The following GRIK5 variants were observed in gnomAD, a reference collection of about 807,000 sequenced individuals.
The protein encoded by GRIK5 is glutamate ionotropic receptor kainate type subunit 5.
GRIK5 carries 43 observed loss-of-function variants against 97.4 expected under a neutral mutation model. The ratio of observed to expected loss-of-function variants is 0.44; its 90% CI spans 0.35 to 0.57. GRIK5 has a LOEUF of 0.57. Among genes scored for constraint, GRIK5 ranks in the 20% least tolerant of loss-of-function variants. GRIK5 has a pLI of 0.01. For synonymous variants in GRIK5, 580 were observed against 583.5 expected (o/e 0.99, Z 0.09); for missense variants, 1,015 against 1,382.0 (o/e 0.73, Z 4.21).
rs2075455967 is a variant in GRIK5, at chr19:42,003,932, C to T, written c.2264-249G>A. ...TCTCCATGGCTTCCTGTTGCAAGCT[C>T]CTCCCCTCGGCCACTCTCAGACACC... On this transcript the variant is annotated intron_variant, in intron 17 of 19. Transcript: ENST00000593562. The surrounding 1 kb of genome is among the most constrained non-coding windows in gnomAD (Gnocchi z 4.2). 1.3e-5 allele frequency among the ~76,000 whole-genome samples: 2 copies of T among 152,178 alleles called. No homozygotes were observed. The highest frequency in any genetic ancestry group is 4.1e-4 in the South Asian group (2 of 4,828).
Position 42,062,518 on chromosome 19 carries a change from A to G in GRIK5, c.478T>C (p.Ser160Pro). Reference protein sequence around the residue: ...SRILKSFNYPSASLICAKAEC... With the variant: ...SRILKSFNYPPASLICAKAEC... ...GCCTTGGCGCAGATGAGGCTGGCCG[A>G]GGGGTAGTTGAAGGACTTGAGGATT... is the stretch of plus-strand genomic sequence containing the variant. The change falls in exon 5 of 20, where the codon TCG becomes CCG. Residue 160 changes from serine to proline, a missense_variant. Coordinates refer to ENST00000593562, the MANE Select transcript of GRIK5 (RefSeq NM_002088.5). The surrounding 1 kb of genome is among the most constrained non-coding windows in gnomAD (Gnocchi z 5.3). 1 of 1,614,082 alleles carries G rather than the reference A, an allele frequency of 6.2e-7. No individual in the cohort carries two copies. Among genetic ancestry groups the G allele is most frequent in the Non-Finnish European group, 8.5e-7 (1 of 1,179,998 alleles).
At chr19:42,058,544 T>C (rs1052090129) in intron 6 of GRIK5, among the ~76,000 whole-genome samples, 1 of 150,286 alleles carries the variant, frequency 6.7e-6, no homozygotes, top group African/African-American at 2.4e-5. Flanking sequence ...AATTTGGTTA[T>C]TGGCCGGGTG....
chr19:42,006,347 TTCTC>T lies in GRIK5; in HGVS notation c.2037+294_2037+297del, dbSNP rs1284110527. 6.6e-6 allele frequency among the ~76,000 whole-genome samples: 1 copy of T among 152,186 alleles called. No individual in the cohort carries two copies. Among genetic ancestry groups the T allele is most frequent in the Non-Finnish European group, 1.5e-5 (1 of 68,032 alleles). On this transcript the variant is annotated intron_variant, in intron 16 of 19. Transcript: ENST00000593562. The surrounding 1 kb of genome is among the most constrained non-coding windows in gnomAD (Gnocchi z 5.3). The stretch of plus-strand genomic sequence containing the variant: ...ACTTTTCACCTTGAAGGGCCTTCCC[TTCTC>T]TCTGTCAGCCCATATTCCTGGTCCC...
chr19:42,005,840 G>A lies in GRIK5; in HGVS notation c.2146C>T (p.Arg716Cys), dbSNP rs782501816. The A allele has an allele frequency of 2.0e-5, 32 of 1,612,764 alleles. No homozygotes were observed. The highest frequency in any genetic ancestry group is 2.6e-5 in the Non-Finnish European group (31 of 1,178,912). ...GTGGACTCGAGCAGGAAGGCGTAGCGGGAGTTGAGGACGCGGGCAATGCCC... is the reference window on the plus strand; with the variant it reads ...GTGGACTCGAGCAGGAAGGCGTAGCAGGAGTTGAGGACGCGGGCAATGCCC... Reference protein sequence around the residue: ...EEGIARVLNSRYAFLLESTMN... With the variant: ...EEGIARVLNSCYAFLLESTMN... The change falls in exon 17 of 20, where the codon CGC (arginine) becomes TGC (cysteine). Residue 716 changes from arginine (R) to cysteine (C), a missense_variant. Coordinates refer to ENST00000593562, the MANE Select transcript of GRIK5 (RefSeq NM_002088.5).
chr19:42,053,789 C>A, intron 10 of GRIK5, 36 bp downstream of exon 10: 1 of 1,569,352 alleles, frequency 6.4e-7, no homozygotes, highest in Non-Finnish European at 8.8e-7. Context: ...CACCCTCACC[C>A]CAGCAGGGCT....
intron 12 of GRIK5, among the ~76,000 whole-genome samples, chr19:42,040,530 T>C (rs1185872228): frequency 6.6e-6 from 1 of 152,166 alleles, no homozygotes; most frequent in Non-Finnish European, 1.5e-5. Flanking sequence ...TCATCTCCTG[T>C]CTCACCCGGG....
Position 42,021,835 on chromosome 19 carries a change from G to A in GRIK5, c.1697+112C>T. 3.0e-6 allele frequency: 2 copies of A among 667,052 alleles called. No individual in the cohort carries two copies. The highest frequency in any genetic ancestry group is 5.3e-6 in the Non-Finnish European group (2 of 377,668). The allele number at this position is 667,052 out of a possible 1,614,324, so 41.3% of individuals were successfully genotyped here. A position where few individuals can be genotyped will look rare whatever the true frequency, so the allele number is the denominator to read the frequency against. The stretch of plus-strand genomic sequence containing the variant: ...GAAAGGAGGGCACAGGGAATCCGAG[G>A]CCCCAAAGGGGAGGCCAAGGACAGT... On this transcript the variant is annotated intron_variant, in intron 14 of 19. Coordinates refer to ENST00000593562, the MANE Select transcript of GRIK5 (RefSeq NM_002088.5). This position sits in a 1 kb window ranked among gnomAD's most constrained non-coding sequence, Gnocchi z 4.2.
In GRIK5 at chr19:41,999,194, G is replaced by C. The variant is rs532681250; in HGVS notation, c.2620C>G (p.Leu874Val). Residue 874 changes from leucine to valine, a missense_variant, in exon 20 of 20, where the codon CTG becomes GTG. By Grantham distance (32) the Leu-to-Val change is conservative. Transcript: ENST00000593562. This position sits in a 1 kb window ranked among gnomAD's most constrained non-coding sequence, Gnocchi z 5.0. ...RRRPGGPSRALLSLRAVREMR... is the reference protein window; with the variant it reads ...RRRPGGPSRAVLSLRAVREMR... ...TCGCGGACCGCGCGCAGTGACAGCA[G>C]GGCCCGGCTCGGGCCGCCCGGGCGT... 3 of 1,516,494 alleles carry C rather than the reference G, an allele frequency of 2.0e-6. No individual in the cohort carries two copies. The highest frequency in any genetic ancestry group is 2.6e-6 in the Non-Finnish European group (3 of 1,139,552). 93.9% of individuals were successfully genotyped at this position (1,516,494 alleles called of 1,614,324 possible). A position where few individuals can be genotyped will look rare whatever the true frequency, so the allele number is the denominator to read the frequency against.
intron 11 of GRIK5, among the ~76,000 whole-genome samples, chr19:42,043,296 C>A (rs2146109970): frequency 6.6e-6 from 1 of 152,162 alleles, no homozygotes; most frequent in Admixed American, 6.5e-5. Flanking sequence ...ACCAAACCAA[C>A]TTCATGAGCC....
chr19:42,058,397 G>A (rs2076214927), intron 6 of GRIK5, among the ~76,000 whole-genome samples: 1 of 150,290 alleles, frequency 6.7e-6, no homozygotes, highest in Non-Finnish European at 1.5e-5. Flanking sequence ...TACCCAGGAT[G>A]GTCTCAATCT....
Position 42,002,237 on chromosome 19 carries a change from C to T in GRIK5, c.2514+1095G>A. On this transcript the variant is annotated intron_variant, in intron 19 of 19. Transcript: ENST00000593562. The surrounding 1 kb of genome is among the most constrained non-coding windows in gnomAD (Gnocchi z 5.2). ...AAGAAACTGGAAGCATCAGGGAGACCCCCCACTGCTGCCAAGGCTGTAAAG... is the reference window on the plus strand; with the variant it reads ...AAGAAACTGGAAGCATCAGGGAGACTCCCCACTGCTGCCAAGGCTGTAAAG... 1.4e-6 allele frequency: 1 copy of T among 717,464 alleles called. No homozygotes were observed. The allele number at this position is 717,464 out of a possible 1,614,324, so 44.4% of individuals were successfully genotyped here.
At chr19:42,044,862 C>T (rs2076023570) in intron 11 of GRIK5, among the ~76,000 whole-genome samples, 1 of 152,170 alleles carries the variant, frequency 6.6e-6, no homozygotes, top group South Asian at 2.1e-4. Context: ...AGGTAGAGTC[C>T]CAGAGGCTCA....
chr19:42,018,969 G>A (rs778874604), intron 15 of GRIK5, among the ~76,000 whole-genome samples: 2 of 152,236 alleles, frequency 1.3e-5, no homozygotes, highest in Non-Finnish European at 2.9e-5. Flanking sequence ...TCTGCTGAAT[G>A]AGTGAATGTG....
At chr19:42,030,568 C>A (rs1599786211) in intron 12 of GRIK5, among the ~76,000 whole-genome samples, 1 of 152,112 alleles carries the variant, frequency 6.6e-6, no homozygotes, top group East Asian at 1.9e-4. Flanking sequence ...AAGTGATCCT[C>A]CCACCTCAGC....
At chr19:42,016,846 A>T (rs1206056838) in intron 15 of GRIK5, among the ~76,000 whole-genome samples, 1 of 152,158 alleles carries the variant, frequency 6.6e-6, no homozygotes, top group Non-Finnish European at 1.5e-5. Context: ...AGCGTAGGAC[A>T]GCCGGATAAT....
chr19:42,029,217 G>A (rs2075810191), intron 12 of GRIK5, among the ~76,000 whole-genome samples: 1 of 152,042 alleles, frequency 6.6e-6, no homozygotes, highest in Admixed American at 6.5e-5. Context: ...ACAGGCGTGT[G>A]CCACCATGCC....
intron 7 of GRIK5, 32 bp downstream of exon 7, chr19:42,056,893 G>T (rs1474826322): frequency 2.5e-6 from 4 of 1,608,858 alleles, no homozygotes; most frequent in Non-Finnish European, 3.4e-6. Flanking sequence ...GGAAGGAAGT[G>T]GGGGCAGAGA....
chr19:42,052,789 T>C (rs2076133778), intron 11 of GRIK5, among the ~76,000 whole-genome samples: 1 of 152,168 alleles, frequency 6.6e-6, no homozygotes, highest in Admixed American at 6.5e-5. Flanking sequence ...CCTGACCTCC[T>C]AAGGCACTGG....
Position 41,998,930 on chromosome 19 carries a change from T to A in GRIK5, c.2884A>T (p.Ser962Cys). The A allele has an allele frequency of 8.9e-7, 1 of 1,121,660 alleles. No individual in the cohort carries two copies. The highest frequency in any genetic ancestry group is 1.1e-6 in the Non-Finnish European group (1 of 918,998). The allele number at this position is 1,121,660 out of a possible 1,614,324, so 69.5% of individuals were successfully genotyped here. ...RGLGVPAEAT[S>C]PPRPRPGPAG... ...GGGCCAGGCCGCGGCCGGGGCGGGC[T>A]GGTGGCTTCGGCGGGGACGCCCAGG... The change falls in exon 20 of 20, where the codon AGC becomes TGC. Residue 962 changes from serine (S) to cysteine (C), a missense_variant. Ser to Cys is a moderately radical substitution (Grantham distance 112, BLOSUM62 -1). Coordinates refer to ENST00000593562, the MANE Select transcript of GRIK5 (RefSeq NM_002088.5).
Sources: allele counts gnomAD v4.1 joint callset (sites outside exome capture counted in the v4.1 genomes callset), GRCh38; gene constraint gnomAD v4.1.1; non-coding constraint Gnocchi (gnomAD v3.1); transcripts MANE v1.5; gene names NCBI Gene and HGNC (gene_info 2026-07-23, HGNC 2026-07-21).